Variants in TNFAIP8L1 observed in about 807,000 individuals in gnomAD.
TNFAIP8L1 encodes tumor necrosis factor alpha-induced protein 8-like protein 1.
For synonymous variants in TNFAIP8L1, 127 were observed against 125.6 expected, an observed-to-expected ratio of 1.01 and a Z score of -0.08; for missense variants, 225 against 266.1, an observed-to-expected ratio of 0.85 and a Z score of 1.08.
chr19:4,644,364 A>T (rs2088290354), intron 1 of TNFAIP8L1, among the ~76,000 whole-genome samples: 1 of 148,290 alleles, frequency 6.7e-6, no homozygotes, highest in Non-Finnish European at 1.5e-5. Context: ...ACATAGCAAG[A>T]CGCCATGTCT....
rs2088259048 is a variant in TNFAIP8L1, at chr19:4,641,292, G to T, written c.-4+1663G>T. The T allele has an allele frequency of 6.6e-6, 1 of 151,758 alleles. No individual in the cohort carries two copies. Among genetic ancestry groups the T allele is most frequent in the African/African-American group, 2.4e-5 (1 of 41,258 alleles). The allele number at this position is 151,758 out of a possible 1,614,324, so 9.4% of individuals were successfully genotyped here. ...TGTCTGTCCAATGGGGCCACGAAAG[G>T]GTGCCTTGAGGACAAAACTCCAGCC... On this transcript the variant is annotated intron_variant, in intron 1 of 1. Transcript: ENST00000327473. The surrounding 1 kb of genome is among the most constrained non-coding windows in gnomAD (Gnocchi z 4.6).
intron 1 of TNFAIP8L1, among the ~76,000 whole-genome samples, chr19:4,649,637 C>A (rs1417472916): frequency 5.3e-5 from 8 of 152,192 alleles, no homozygotes; most frequent in Admixed American, 3.3e-4. Flanking sequence ...GTGGCTCAGC[C>A]TCTCTGAGCC....
Position 4,652,955 on chromosome 19 carries a change from G to C in TNFAIP8L1, c.*525G>C, listed in dbSNP as rs2088384879. 6.0e-6 allele frequency: 1 copy of C among 167,954 alleles called. No individual in the cohort carries two copies. The highest frequency in any genetic ancestry group is 2.4e-5 in the African/African-American group (1 of 41,496). 10.4% of individuals were successfully genotyped at this position (167,954 alleles called of 1,614,324 possible). A position where few individuals can be genotyped will look rare whatever the true frequency, so the allele number is the denominator to read the frequency against. On this transcript the variant is annotated 3_prime_UTR_variant, in exon 2 of 2. Coordinates refer to ENST00000327473, the MANE Select transcript of TNFAIP8L1 (RefSeq NM_152362.3). ...GATCATTACAGATGGAATTAGTTCA[G>C]ATGATCTCATCTTGGAGTAGGGTGG...
chr19:4,652,323 G>T lies in TNFAIP8L1; in HGVS notation c.454G>T (p.Asp152Tyr). 1.3e-6 allele frequency: 2 copies of T among 1,557,278 alleles called. No homozygotes were observed. The highest frequency in any genetic ancestry group is 1.7e-6 in the Non-Finnish European group (2 of 1,153,078). Residue 152 changes from aspartate (D) to tyrosine (Y), a missense_variant, in exon 2 of 2, where the codon GAC (aspartate) becomes TAC (tyrosine). Physicochemically the swap from Asp to Tyr is radical, Grantham distance 160 (BLOSUM62 -3). Transcript: ENST00000327473. Reference protein sequence around the residue: ...RINHVFGHLADCDFLAALYGP... With the variant: ...RINHVFGHLAYCDFLAALYGP... ...CAACCACGTGTTCGGCCACCTAGCC[G>T]ACTGCGACTTCCTGGCTGCGCTCTA...
At position 4,645,849 on chromosome 19, in the gene TNFAIP8L1, A is replaced by G. The variant is rs2088305669; in HGVS notation, c.-3-6018A>G. On this transcript the variant is annotated intron_variant, in intron 1 of 1. Transcript: ENST00000327473. The surrounding 1 kb of genome is among the most constrained non-coding windows in gnomAD (Gnocchi z 4.1). ...AAGGGTCACAGCAGGGAGACCTCAGAGCTGTGGACGGACCTGGACAGAGGC... is the reference window on the plus strand; with the variant it reads ...AAGGGTCACAGCAGGGAGACCTCAGGGCTGTGGACGGACCTGGACAGAGGC... Among the ~76,000 whole-genome samples the G allele has an allele frequency of 6.6e-6, 1 of 152,120 alleles. No individual in the cohort carries two copies. Among genetic ancestry groups the G allele is most frequent in the Admixed American group, 6.5e-5 (1 of 15,272 alleles).
At chr19:4,646,225 C>T (rs1346811315) in intron 1 of TNFAIP8L1, among the ~76,000 whole-genome samples, 2 of 151,698 alleles carry the variant, frequency 1.3e-5, no homozygotes, top group African/African-American at 4.8e-5. Flanking sequence ...CAGGTTCAAG[C>T]GGTTCTCCTG....
Position 4,648,405 on chromosome 19 carries a change from C to T in TNFAIP8L1, c.-3-3462C>T, listed in dbSNP as rs994643031. On this transcript the variant is annotated intron_variant, in intron 1 of 1. Coordinates refer to ENST00000327473, the MANE Select transcript of TNFAIP8L1 (RefSeq NM_152362.3). Reference sequence around the variant, plus strand: ...CTGTTCCCCTGGGAGAGCAGTCATCCTCCTGTCTGGCTGCCTGGATGGGAG... The same window carrying T: ...CTGTTCCCCTGGGAGAGCAGTCATCTTCCTGTCTGGCTGCCTGGATGGGAG... Among the ~76,000 whole-genome samples the T allele has an allele frequency of 3.9e-5, 6 of 152,320 alleles. No homozygotes were observed. The South Asian group carries it at 6.2e-4, about 16-fold the overall frequency.
chr19:4,646,072 G>T (rs996777870), intron 1 of TNFAIP8L1, among the ~76,000 whole-genome samples: 7 of 151,984 alleles, frequency 4.6e-5, no homozygotes, highest in African/African-American at 1.4e-4. Flanking sequence ...CCACCCCCGT[G>T]GCCCATATCT....
chr19:4,648,299 G>C (rs2088330685), intron 1 of TNFAIP8L1, among the ~76,000 whole-genome samples: 1 of 152,342 alleles, frequency 6.6e-6, no homozygotes, highest in Non-Finnish European at 1.5e-5. Context: ...CCCTAGGAAG[G>C]CCCCTGCCCT....
At chr19:4,643,546 T>TG (rs1354676049) in intron 1 of TNFAIP8L1, among the ~76,000 whole-genome samples, 1 of 152,224 alleles carries the variant, frequency 6.6e-6, no homozygotes, top group African/African-American at 2.4e-5. Flanking sequence ...TGCCCATCCA[T>TG]GGGGTGGTCC....
intron 1 of TNFAIP8L1, among the ~76,000 whole-genome samples, chr19:4,644,605 A>ATTTTTTTTTTTT (rs553560316): frequency 2.3e-5 from 2 of 88,734 alleles, no homozygotes; most frequent in African/African-American, 4.8e-5. Flanking sequence ...TGAGTCATGG[A>ATTTTTTTTTTTT]TTTTTTTTTT....
intron 1 of TNFAIP8L1, among the ~76,000 whole-genome samples, chr19:4,648,602 G>A (rs888135383): frequency 7.9e-5 from 12 of 152,360 alleles, no homozygotes; most frequent in African/African-American, 2.9e-4. Flanking sequence ...GCCTTGCAGG[G>A]GGCGGGGGTT....
At chr19:4,647,609 CT>C (rs57985958) in intron 1 of TNFAIP8L1, among the ~76,000 whole-genome samples, 8,783 of 80,664 alleles carry the variant, frequency 0.11, 158 homozygotes, top group Non-Finnish European at 0.13. Flanking sequence ...GTGCACCTGG[CT>C]TTTTTTTTTT....
At chr19:4,644,082 G>A (rs1281272879) in intron 1 of TNFAIP8L1, among the ~76,000 whole-genome samples, 12 of 150,550 alleles carry the variant, frequency 8.0e-5, no homozygotes, top group Non-Finnish European at 1.6e-4. Flanking sequence ...TTAACCGGGC[G>A]TGGTGGCGCA....
rs1452548821 is a variant in TNFAIP8L1 at position 4,654,388 on chromosome 19, G to A, written c.*1958G>A. On this transcript the variant is annotated 3_prime_UTR_variant, in exon 2 of 2. Transcript: ENST00000327473. The stretch of plus-strand genomic sequence containing the variant: ...AGACAAAGTCTCGCTGTGTCACCCA[G>A]GCTGGAGTGCAGTGGTGAAATCTCG... The A allele has an allele frequency of 6.6e-6, 1 of 152,254 alleles. No individual in the cohort carries two copies. The highest frequency in any genetic ancestry group is 1.5e-5 in the Non-Finnish European group (1 of 68,078). 9.4% of individuals were successfully genotyped at this position (152,254 alleles called of 1,614,324 possible). A position where few individuals can be genotyped will look rare whatever the true frequency, so the allele number is the denominator to read the frequency against.
At position 4,649,370 on chromosome 19, in the gene TNFAIP8L1, G is replaced by T. The variant is rs1014674856; in HGVS notation, c.-3-2497G>T. On this transcript the variant is annotated intron_variant, in intron 1 of 1. Transcript: ENST00000327473. ...CCAGAGGAAGCTCACAGCTTAGGGG[G>T]CATTGCGGTTTGGTCACAAGCTTCT... is the stretch of plus-strand genomic sequence containing the variant. Among the ~76,000 whole-genome samples the T allele has an allele frequency of 3.3e-5, 5 of 152,072 alleles. No homozygotes were observed. The East Asian group carries it at 9.6e-4, about 29-fold the overall frequency.
chr19:4,644,820 T>C (rs1295587429), intron 1 of TNFAIP8L1, among the ~76,000 whole-genome samples: 1 of 151,940 alleles, frequency 6.6e-6, no homozygotes, highest in African/African-American at 2.4e-5. Flanking sequence ...AGGCTGGTCT[T>C]GGACTCCCGA....
At chr19:4,649,813 G>A (rs1187142523) in intron 1 of TNFAIP8L1, among the ~76,000 whole-genome samples, 4 of 152,258 alleles carry the variant, frequency 2.6e-5, no homozygotes, top group Non-Finnish European at 5.9e-5. Context: ...GAGGTCGGAG[G>A]GCAGGGGCGG....
chr19:4,646,148 G>C (rs2088308758), intron 1 of TNFAIP8L1, among the ~76,000 whole-genome samples: 1 of 151,992 alleles, frequency 6.6e-6, no homozygotes, highest in Non-Finnish European at 1.5e-5. Flanking sequence ...TTCCAGCAGG[G>C]GAACAGTTTT....
Sources: allele counts gnomAD v4.1 joint callset (sites outside exome capture counted in the v4.1 genomes callset), GRCh38; gene constraint gnomAD v4.1.1; non-coding constraint Gnocchi (gnomAD v3.1); transcripts MANE v1.5; gene names NCBI Gene and HGNC (gene_info 2026-07-23, HGNC 2026-07-21).